PATE4: variants seen among roughly 807,000 people sequenced by gnomAD.
PATE4 encodes the protein prostate and testis expressed protein 4.
PATE4 carries 13 observed loss-of-function variants against 8.5 expected under a neutral mutation model. That is an observed-to-expected ratio of 1.53 (90% CI 1.00 to 2.43). The LOEUF (loss-of-function observed/expected upper bound fraction) is 2.43, where lower values mean the gene tolerates loss of function less well. Ranked by LOEUF, PATE4 falls within the 30% of genes most tolerant of loss-of-function variation. The pLI is 0.00. For missense variants in PATE4, 127 were observed against 115.5 expected (o/e 1.10, Z -0.46); for synonymous variants, 47 against 39.3 (o/e 1.20, Z -0.73).
chr11:125,836,913 G>A (rs902577932), intron 1 of PATE4, among the ~76,000 whole-genome samples: 6 of 152,092 alleles, frequency 3.9e-5, no homozygotes, highest in African/African-American at 1.4e-4. Flanking sequence ...ATTGCTGAGT[G>A]AACGAAAAAA....
intron 1 of PATE4, among the ~76,000 whole-genome samples, chr11:125,836,116 G>T (rs999408710): frequency 7.6e-6 from 1 of 131,358 alleles, no homozygotes; most frequent in Non-Finnish European, 1.6e-5. Context: ...CGAAAGTGAT[G>T]GCAAGACTTT....
intron 1 of PATE4, among the ~76,000 whole-genome samples, chr11:125,836,874 G>T (rs1204826413): frequency 6.6e-6 from 1 of 152,122 alleles, no homozygotes; most frequent in African/African-American, 2.4e-5. Flanking sequence ...AAAAGAGAAG[G>T]ATGTTCACTC....
intron 1 of PATE4, chr11:125,835,334 C>T (rs1943912364): frequency 6.6e-6 from 1 of 152,060 alleles, no homozygotes; most frequent in Non-Finnish European, 1.5e-5. Context: ...AGGGTACAGC[C>T]CTGAAATGGT....
chr11:125,838,269 C>T (rs1439052510), intron 2 of PATE4, 37 bp from the exon 3 acceptor site: 3 of 1,508,170 alleles, frequency 2.0e-6, no homozygotes, highest in Non-Finnish European at 2.7e-6. Flanking sequence ...GTAAGGCAAT[C>T]TCCTCCAGCA....
intron 1 of PATE4, among the ~76,000 whole-genome samples, chr11:125,836,645 T>C (rs187200690): frequency 6.6e-6 from 1 of 150,644 alleles, no homozygotes; most frequent in East Asian, 2.0e-4. Context: ...CTCTCTAAAA[T>C]ACGTTAGTTC....
chr11:125,837,680 G>A (rs775445212), intron 1 of PATE4, among the ~76,000 whole-genome samples, 188 bp from the exon 2 acceptor site: 2 of 152,212 alleles, frequency 1.3e-5, no homozygotes, highest in African/African-American at 4.8e-5. Context: ...CACAGAGACT[G>A]TGTCTTATCT....
rs918143474 is a variant in PATE4 at position 125,839,318 on chromosome 11, G to A, written c.*891G>A. 1 of 152,170 alleles carries A rather than the reference G, an allele frequency of 6.6e-6. No individual in the cohort carries two copies. Among genetic ancestry groups the A allele is most frequent in the Non-Finnish European group, 1.5e-5 (1 of 68,046 alleles). The allele number at this position is 152,170 out of a possible 1,614,324, so 9.4% of individuals were successfully genotyped here. ...CTTACAGTGACCTGCAGGAAGAGAG[G>A]AATAACAGAGCACATGCTATGAATA... On this transcript the variant is annotated 3_prime_UTR_variant, in exon 3 of 3. Coordinates refer to ENST00000457514, the MANE Select transcript of PATE4 (RefSeq NM_001144874.1).
Position 125,838,384 on chromosome 11 carries a change from G to A in PATE4, c.254G>A (p.Arg85Lys), listed in dbSNP as rs899659545. Reference sequence around the variant, plus strand: ...GAGTCCTCCAAAAGAGGCCTGTTGAGAGTGACACTGTGCTGTGACAGAAAC... The same window carrying A: ...GAGTCCTCCAAAAGAGGCCTGTTGAAAGTGACACTGTGCTGTGACAGAAAC... ...EEESSKRGLL[R>K]VTLCCDRNFC... Residue 85 changes from arginine to lysine, a missense_variant, in exon 3 of 3, where the codon AGA becomes AAA. Transcript: ENST00000457514. 7.1e-6 allele frequency: 11 copies of A among 1,551,532 alleles called. No individual in the cohort carries two copies. In the Admixed American group the frequency reaches 2.2e-4, roughly 30 times the overall value.
chr11:125,839,910 A>G lies in PATE4; in HGVS notation c.*1483A>G, dbSNP rs1249950903. ...AAAACTCTCCTCTCTAGCTCCTATG[A>G]CTGTACATTTGTAGTTCTCCCACCT... On this transcript the variant is annotated 3_prime_UTR_variant, in exon 3 of 3. Coordinates refer to ENST00000457514, the MANE Select transcript of PATE4 (RefSeq NM_001144874.1). 2.0e-5 allele frequency: 3 copies of G among 152,124 alleles called. No homozygotes were observed. Among genetic ancestry groups the G allele is most frequent in the Non-Finnish European group, 4.4e-5 (3 of 68,024 alleles). The allele number at this position is 152,124 out of a possible 1,614,324, so 9.4% of individuals were successfully genotyped here.
chr11:125,833,946 C>T (rs1342995661), intron 1 of PATE4, among the ~76,000 whole-genome samples: 5 of 152,106 alleles, frequency 3.3e-5, no homozygotes, highest in Non-Finnish European at 5.9e-5. Flanking sequence ...TCAACAAACA[C>T]CTCCTACACT....
chr11:125,838,496 T>C lies in PATE4; in HGVS notation c.*69T>C. ...AATCAAGACCAACCAACATGAACTG[T>C]TTTATTTCCCACACCAAATTCCACA... is the stretch of plus-strand genomic sequence containing the variant. On this transcript the variant is annotated 3_prime_UTR_variant, in exon 3 of 3. Coordinates refer to ENST00000457514, the MANE Select transcript of PATE4 (RefSeq NM_001144874.1). 6.8e-7 allele frequency: 1 copy of C among 1,463,812 alleles called. No homozygotes were observed. The highest frequency in any genetic ancestry group is 9.0e-7 in the Non-Finnish European group (1 of 1,107,914). 90.7% of individuals were successfully genotyped at this position (1,463,812 alleles called of 1,614,324 possible).
rs1288968738 is a variant in PATE4 at position 125,839,362 on chromosome 11, T to A, written c.*935T>A. On this transcript the variant is annotated 3_prime_UTR_variant, in exon 3 of 3. Coordinates refer to ENST00000457514, the MANE Select transcript of PATE4 (RefSeq NM_001144874.1). ...ATGAATAAATGTGGAGATCAATTTGTGGATTTTAAACTTCATGACATGCTG... is the reference window on the plus strand; with the variant it reads ...ATGAATAAATGTGGAGATCAATTTGAGGATTTTAAACTTCATGACATGCTG... The A allele has an allele frequency of 6.6e-6, 1 of 152,206 alleles. No homozygotes were observed. Among genetic ancestry groups the A allele is most frequent in the East Asian group, 1.9e-4 (1 of 5,190 alleles). The allele number at this position is 152,206 out of a possible 1,614,324, so 9.4% of individuals were successfully genotyped here.
At chr11:125,835,631 T>C (rs1943914752) in intron 1 of PATE4, 3 of 152,132 alleles carry the variant, frequency 2.0e-5, no homozygotes. Context: ...AACCCGCAAA[T>C]GTTCTCCTGA....
rs77503433 is a variant in PATE4, at chr11:125,839,663, A to C, written c.*1236A>C. 1 of 152,488 alleles carries C rather than the reference A, an allele frequency of 6.6e-6. No individual in the cohort carries two copies. The highest frequency in any genetic ancestry group is 2.4e-5 in the African/African-American group (1 of 41,478). 9.4% of individuals were successfully genotyped at this position (152,488 alleles called of 1,614,324 possible). Reference sequence around the variant, plus strand: ...ACAATCATGGCAGAAGGTAAAAGGCATGTCTCACATAGTGACAGACAAGAG... The same window carrying C: ...ACAATCATGGCAGAAGGTAAAAGGCCTGTCTCACATAGTGACAGACAAGAG... On this transcript the variant is annotated 3_prime_UTR_variant, in exon 3 of 3. Coordinates refer to ENST00000457514, the MANE Select transcript of PATE4 (RefSeq NM_001144874.1).
At chr11:125,836,151 T>C (rs1943918345) in intron 1 of PATE4, among the ~76,000 whole-genome samples, 1 of 143,298 alleles carries the variant, frequency 7.0e-6, no homozygotes, top group Admixed American at 7.1e-5. Context: ...TAAAAGTACA[T>C]AGACAAGTTA....
In PATE4 at chr11:125,838,559, C is replaced by T; in HGVS notation, c.*132C>T. 3 of 1,134,612 alleles carry T rather than the reference C, an allele frequency of 2.6e-6. No individual in the cohort carries two copies. Among genetic ancestry groups the T allele is most frequent in the Non-Finnish European group, 3.5e-6 (3 of 848,308 alleles). 70.3% of individuals were successfully genotyped at this position (1,134,612 alleles called of 1,614,324 possible). Reference sequence around the variant, plus strand: ...CCCAGAGAGAGCTGCAGGGGCTGTCCTCATTGCAATGAAGGGGCTCCCCAC... The same window carrying T: ...CCCAGAGAGAGCTGCAGGGGCTGTCTTCATTGCAATGAAGGGGCTCCCCAC... On this transcript the variant is annotated 3_prime_UTR_variant, in exon 3 of 3. Coordinates refer to ENST00000457514, the MANE Select transcript of PATE4 (RefSeq NM_001144874.1).
At chr11:125,834,230 T>G (rs1943905643) in intron 1 of PATE4, among the ~76,000 whole-genome samples, 1 of 152,012 alleles carries the variant, frequency 6.6e-6, no homozygotes, top group Non-Finnish European at 1.5e-5. Flanking sequence ...ACTGACAAAT[T>G]TGACACATGA....
At chr11:125,837,079 G>A (rs987421282) in intron 1 of PATE4, among the ~76,000 whole-genome samples, 5 of 152,192 alleles carry the variant, frequency 3.3e-5, no homozygotes, top group African/African-American at 1.2e-4. Context: ...TAGCACTCAA[G>A]TCCTCCTGGG....
chr11:125,834,614 C>T (rs893982785), intron 1 of PATE4, among the ~76,000 whole-genome samples: 2 of 152,110 alleles, frequency 1.3e-5, no homozygotes, highest in African/African-American at 4.8e-5. Context: ...CTCTGGTGGG[C>T]AATTCAGCAA....
Sources: allele counts gnomAD v4.1 joint callset (sites outside exome capture counted in the v4.1 genomes callset), GRCh38; gene constraint gnomAD v4.1.1; transcripts MANE v1.5; gene names NCBI Gene and HGNC (gene_info 2026-07-23, HGNC 2026-07-21).